The following PTPN3 variants were observed in gnomAD, a reference collection of about 807,000 sequenced individuals.
The protein encoded by PTPN3 is protein tyrosine phosphatase non-receptor type 3, also known as tyrosine-protein phosphatase non-receptor type 3.
A neutral mutation model predicts 132.7 loss-of-function variants in PTPN3; 96 were observed. The ratio of observed to expected loss-of-function variants is 0.72; its 90% CI spans 0.61 to 0.86. PTPN3 has a LOEUF of 0.86. PTPN3 is among the 40% of genes least tolerant of loss of function. The pLI is 0.00. For missense variants in PTPN3, 1,125 were observed against 1,159.6 expected, an observed-to-expected ratio of 0.97 and a Z score of 0.43; for synonymous variants, 398 against 429.0, an observed-to-expected ratio of 0.93 and a Z score of 0.89.
At chr9:109,502,473 A>G (rs1183902786), upstream of PTPN3, among the ~76,000 whole-genome samples, 3 of 152,210 alleles carry the variant, frequency 2.0e-5, no homozygotes, top group Admixed American at 2.0e-4. Flanking sequence ...TACACATGGT[A>G]TGGTATGTGG....
chr9:109,477,109 C>T (rs1846707808), intron 1 of PTPN3, among the ~76,000 whole-genome samples: 1 of 152,182 alleles, frequency 6.6e-6, no homozygotes, highest in Non-Finnish European at 1.5e-5. Context: ...CATCACACAC[C>T]ACCCACTCTG....
intron 24 of PTPN3, among the ~76,000 whole-genome samples, 160 bp from the exon 25 acceptor site, chr9:109,381,947 C>G (rs528500780): frequency 2.6e-5 from 4 of 152,314 alleles, no homozygotes; most frequent in Admixed American, 2.0e-4. Flanking sequence ...GCTGAGACAG[C>G]CTGTCCTCAC....
chr9:109,503,948 C>A, the PTPN3 span, among the ~76,000 whole-genome samples: 1 of 152,074 alleles, frequency 6.6e-6, no homozygotes, highest in Non-Finnish European at 1.5e-5. Context: ...ATGGAGCATA[C>A]GGTCTAATAG....
the PTPN3 span, among the ~76,000 whole-genome samples, chr9:109,509,605 T>C: frequency 1.3e-5 from 2 of 152,242 alleles, no homozygotes; most frequent in African/African-American, 4.8e-5. Context: ...GGTTGCCTTA[T>C]TGATATGCCC....
chr9:109,506,865 A>C, the PTPN3 span, among the ~76,000 whole-genome samples: 1 of 152,312 alleles, frequency 6.6e-6, no homozygotes, highest in East Asian at 1.9e-4. Context: ...GGCTTCCCAA[A>C]GTGCTGGGAT....
chr9:109,408,946 G>C (rs1284919565), intron 16 of PTPN3, among the ~76,000 whole-genome samples: 1 of 151,390 alleles, frequency 6.6e-6, no homozygotes, highest in Non-Finnish European at 1.5e-5. Flanking sequence ...CATCTGGCCT[G>C]TGAGCGCTGG....
intron 5 of PTPN3, 195 bp from the exon 6 acceptor site, chr9:109,449,050 T>C (rs1845058670): frequency 1.4e-6 from 2 of 1,402,474 alleles, no homozygotes; most frequent in South Asian, 3.2e-5. Context: ...CTCATGTTGA[T>C]GCCCTACGTC....
chr9:109,490,430 T>C (rs932324350), intron 1 of PTPN3, among the ~76,000 whole-genome samples: 2 of 152,118 alleles, frequency 1.3e-5, no homozygotes, highest in Non-Finnish European at 2.9e-5. Flanking sequence ...ATAATTGGCT[T>C]GTACTTTCCA....
the PTPN3 span, among the ~76,000 whole-genome samples, chr9:109,504,745 G>GT: frequency 6.6e-6 from 1 of 152,182 alleles, no homozygotes; most frequent in Non-Finnish European, 1.5e-5. Flanking sequence ...AAACAGAAAC[G>GT]TAAGTGTAGG....
chr9:109,469,839 C>T (rs570200253), intron 1 of PTPN3, among the ~76,000 whole-genome samples: 1 of 152,190 alleles, frequency 6.6e-6, no homozygotes, highest in Non-Finnish European at 1.5e-5. Context: ...AATGCCACCA[C>T]CTAGTGGCGA....
intron 22 of PTPN3, among the ~76,000 whole-genome samples, chr9:109,386,962 G>A (rs1037341392): frequency 6.6e-6 from 1 of 152,172 alleles, no homozygotes; most frequent in East Asian, 1.9e-4. Flanking sequence ...AGGGTTTGGG[G>A]GACAGAGAGG....
At chr9:109,413,701 G>A (rs1330238145) in intron 14 of PTPN3, among the ~76,000 whole-genome samples, 1 of 152,180 alleles carries the variant, frequency 6.6e-6, no homozygotes, top group Non-Finnish European at 1.5e-5. Flanking sequence ...CCATGGAAGA[G>A]CCAGTGTGGG....
At chr9:109,533,764 G>C in the PTPN3 span, 100 of 1,352,046 alleles carry the variant, frequency 7.4e-5, 2 homozygotes, top group East Asian at 2.1e-3. Flanking sequence ...ACCTTCACCT[G>C]CTGTAGGGCC....
chr9:109,388,379 G>A (rs991429482), intron 22 of PTPN3, among the ~76,000 whole-genome samples: 24 of 152,164 alleles, frequency 1.6e-4, no homozygotes, highest in African/African-American at 5.8e-4. Flanking sequence ...TGAAGGGAAT[G>A]CTAGACCTCA....
intron 25 of PTPN3, among the ~76,000 whole-genome samples, 173 bp downstream of exon 25, chr9:109,381,479 C>T (rs974196030): frequency 8.5e-5 from 13 of 152,214 alleles, no homozygotes; most frequent in African/African-American, 3.1e-4. Flanking sequence ...GGCAGCAGAG[C>T]TCAGAGGTGA....
At chr9:109,509,765 T>G in the PTPN3 span, among the ~76,000 whole-genome samples, 1 of 152,202 alleles carries the variant, frequency 6.6e-6, no homozygotes, top group African/African-American at 2.4e-5. Flanking sequence ...TTATCTAGCT[T>G]CTTCTCAAGT....
chr9:109,432,612 G>A (rs956172892), intron 10 of PTPN3, among the ~76,000 whole-genome samples: 2 of 152,140 alleles, frequency 1.3e-5, no homozygotes, highest in Non-Finnish European at 2.9e-5. Context: ...CTTCCCACCA[G>A]GCCTGTGAGC....
At chr9:109,503,349 G>GA in the PTPN3 span, among the ~76,000 whole-genome samples, 9 of 152,050 alleles carry the variant, frequency 5.9e-5, no homozygotes, top group Non-Finnish European at 8.8e-5. Flanking sequence ...AAGGCTCCTG[G>GA]ACTCGATGAA....
At position 109,433,083 on chromosome 9, in the gene PTPN3, A is replaced by C; in HGVS notation, c.754T>G (p.Phe252Val). ...ACTGTTTGCACTTACCAAGGATAGAAACTTGTGCAAATGTATTTTCGGTAC... is the reference window on the plus strand; with the variant it reads ...ACTGTTTGCACTTACCAAGGATAGACACTTGTGCAAATGTATTTTCGGTAC... ...AVYRKYICTS[F>V]YPWVNILKIS... Residue 252 changes from phenylalanine (F) to valine (V), a missense_variant, in exon 10 of 26, where the codon TTC becomes GTC. Coordinates refer to ENST00000374541, the MANE Select transcript of PTPN3 (RefSeq NM_002829.4). 2 of 1,614,146 alleles carry C rather than the reference A, an allele frequency of 1.2e-6. No individual in the cohort carries two copies. The highest frequency in any genetic ancestry group is 1.7e-6 in the Non-Finnish European group (2 of 1,179,996).
Sources: gnomAD v4.1 joint callset for allele counts (sites outside exome capture counted in the v4.1 genomes callset) on GRCh38, gnomAD v4.1.1 for gene constraint, MANE v1.5 for transcripts, NCBI Gene and HGNC (gene_info 2026-07-23, HGNC 2026-07-21) for gene names.